Variants in PIK3C2B observed in about 807,000 individuals in gnomAD.
The protein encoded by PIK3C2B is phosphatidylinositol 4-phosphate 3-kinase C2 domain-containing subunit beta.
In PIK3C2B, 83 loss-of-function variants were observed where a neutral mutation model predicts 184.3. That is an observed-to-expected ratio of 0.45 (90% CI 0.38 to 0.54). The LOEUF (loss-of-function observed/expected upper bound fraction) is 0.54, where lower values mean the gene tolerates loss of function less well. Among genes scored for constraint, PIK3C2B ranks in the 20% least tolerant of loss-of-function variants. PIK3C2B has a pLI of 0.00. For synonymous variants in PIK3C2B, 779 were observed against 837.6 expected (o/e 0.93, Z 1.21); for missense variants, 1,736 against 2,113.5 (o/e 0.82, Z 3.50).
chr1:204,434,020 G>A (rs1675212169), intron 24 of PIK3C2B, 71 bp from the exon 25 acceptor site: 2 of 1,302,464 alleles, frequency 1.5e-6, no homozygotes, highest in African/African-American at 2.9e-5. Context: ...GCTGCATCAG[G>A]GGTCAGTTTC....
chr1:204,453,221 CAG>C (rs951025371), intron 12 of PIK3C2B, among the ~76,000 whole-genome samples: 17 of 152,110 alleles, frequency 1.1e-4, no homozygotes, highest in East Asian at 9.6e-4. Context: ...GGGCAGCAAA[CAG>C]GGGATTTTCT....
chr1:204,462,068 C>A (rs1267432222), intron 5 of PIK3C2B, among the ~76,000 whole-genome samples: 2 of 152,066 alleles, frequency 1.3e-5, no homozygotes, highest in Non-Finnish European at 2.9e-5. Context: ...GGCTCCTAGG[C>A]CAGGAGTCAT....
rs755806961 is a variant in PIK3C2B, at chr1:204,469,415, T to C, written c.388A>G (p.Ile130Val). 1.7e-5 allele frequency: 26 copies of C among 1,551,582 alleles called. No individual in the cohort carries two copies. In the East Asian group the frequency reaches 4.7e-4, roughly 28 times the overall value. ...ACTCCCCCATCTGAACCATCAAAAA[T>C]GTAGAGATAGTCTCCAGACAGGGAG... ...KGSLSGDYLY[I>V]FDGSDGGVSS... is the part of the protein sequence containing the mutation. The change falls in exon 2 of 33, where the codon ATT (isoleucine) becomes GTT (valine). Residue 130 changes from isoleucine (I) to valine (V), a missense_variant. By Grantham distance (29) the Ile-to-Val change is conservative. Transcript: ENST00000684373.
chr1:204,443,479 G>A lies in PIK3C2B; in HGVS notation c.2986C>T (p.Leu996Phe). ...LREEFNRQCW[L>F]VNALAKLAQQ... is the part of the protein sequence containing the mutation. ...GCCAGTTTGGCCAGGGCATTGACAA[G>A]CCAGCACTGGCGGTTAAACTCTTCT... The change falls in exon 19 of 33, where the codon CTT becomes TTT. Residue 996 changes from leucine to phenylalanine, a missense_variant. Physicochemically the swap from Leu to Phe is conservative, Grantham distance 22. Coordinates refer to ENST00000684373, the MANE Select transcript of PIK3C2B (RefSeq NM_001377334.1). 1 of 1,614,256 alleles carries A rather than the reference G, an allele frequency of 6.2e-7. No homozygotes were observed. The highest frequency in any genetic ancestry group is 8.5e-7 in the Non-Finnish European group (1 of 1,180,054).
chr1:204,476,539 C>A (rs562483536), intron 1 of PIK3C2B, among the ~76,000 whole-genome samples: 1 of 152,324 alleles, frequency 6.6e-6, no homozygotes, highest in African/African-American at 2.4e-5. Flanking sequence ...GAGACCCTGT[C>A]TCAAATTAAA....
intron 1 of PIK3C2B, among the ~76,000 whole-genome samples, chr1:204,483,248 T>C (rs1464377392): frequency 6.6e-6 from 1 of 152,042 alleles, no homozygotes; most frequent in African/African-American, 2.4e-5. Context: ...ATAGACTCCA[T>C]CTTTACAAAA....
chr1:204,451,221 C>T (rs1022237012), intron 12 of PIK3C2B, among the ~76,000 whole-genome samples: 4 of 152,230 alleles, frequency 2.6e-5, no homozygotes, highest in African/African-American at 7.2e-5. Context: ...ATCCCTGGAC[C>T]GCTACAGTGG....
intron 12 of PIK3C2B, among the ~76,000 whole-genome samples, chr1:204,450,937 AGG>A (rs1258590060): frequency 6.6e-6 from 1 of 152,212 alleles, no homozygotes; most frequent in Non-Finnish European, 1.5e-5. Context: ...TCTATGCCAG[AGG>A]GCGCAGAGGC....
intron 2 of PIK3C2B, chr1:204,467,156 G>A: frequency 3.0e-6 from 1 of 332,258 alleles, no homozygotes; most frequent in Non-Finnish European, 6.0e-6. Context: ...GGGTGAGGGA[G>A]TAGGGGAGGC....
rs1378308932 is a variant in PIK3C2B at position 204,449,897 on chromosome 1, C to T, written c.2187G>A (p.Val729=). 3 of 1,612,274 alleles carry T rather than the reference C, an allele frequency of 1.9e-6. No homozygotes were observed. Among genetic ancestry groups the T allele is most frequent in the Non-Finnish European group, 1.7e-6 (2 of 1,179,066 alleles). ...TAGTGACCCAGCCCAGGGCTTCAGG[C>T]ACCCGCCGCTGCTTATTGGCCTCTG... is the stretch of plus-strand genomic sequence containing the variant. The part of the protein sequence containing the change: ...SSSEANKQRR[V]PEALGWVTTP... The change falls in exon 13 of 33, where the codon GTG becomes GTA. Residue 729 remains valine (V), a synonymous_variant. Coordinates refer to ENST00000684373, the MANE Select transcript of PIK3C2B (RefSeq NM_001377334.1).
chr1:204,429,996 C>G lies in PIK3C2B; in HGVS notation c.4323G>C (p.Ala1441=). ...RFVIGRSRGE[A]VAERRREELN... Reference sequence around the variant, plus strand: ...GCTCCTCCCTCCGCCGCTCGGCCACCGCCTCTCCCCGGGAGCGGCCGATCA... The same window carrying G: ...GCTCCTCCCTCCGCCGCTCGGCCACGGCCTCTCCCCGGGAGCGGCCGATCA... Residue 1441 remains alanine (A), a synonymous_variant, in exon 29 of 33, where the codon GCG becomes GCC. Coordinates refer to ENST00000684373, the MANE Select transcript of PIK3C2B (RefSeq NM_001377334.1). 1.9e-6 allele frequency: 3 copies of G among 1,611,620 alleles called. No individual in the cohort carries two copies. Among genetic ancestry groups the G allele is most frequent in the East Asian group, 4.5e-5 (2 of 44,878 alleles).
In PIK3C2B at chr1:204,464,546, C is replaced by G. The variant is rs750781430; in HGVS notation, c.1093G>C (p.Val365Leu). ...CCGAGGTGCTCTGGGCTAGGGGTGA[C>G]AGCACTCCAGACATAGCCAGTGAGG... ...YFLTGYVWSA[V>L]TPSPEHLGDE... The change falls in exon 4 of 33, where the codon GTC becomes CTC. Residue 365 changes from valine to leucine, a missense_variant. Transcript: ENST00000684373. The G allele has an allele frequency of 2.6e-5, 42 of 1,613,756 alleles. No homozygotes were observed. The highest frequency in any genetic ancestry group is 3.6e-5 in the Non-Finnish European group (42 of 1,179,782).
chr1:204,470,079 C>G (rs943919662), intron 1 of PIK3C2B, among the ~76,000 whole-genome samples, 193 bp from the exon 2 acceptor site: 1 of 152,050 alleles, frequency 6.6e-6, no homozygotes, highest in Admixed American at 6.6e-5. Context: ...ATCCAACTAT[C>G]CATCCATTCA....
Position 204,444,315 on chromosome 1 carries a change from G to A in PIK3C2B, c.2772+16C>T. 1 of 1,604,780 alleles carries A rather than the reference G, an allele frequency of 6.2e-7. No individual in the cohort carries two copies. Among genetic ancestry groups the A allele is most frequent in the Non-Finnish European group, 8.5e-7 (1 of 1,171,470 alleles). On this transcript the variant is annotated intron_variant, in intron 17 of 32. Coordinates refer to ENST00000684373, the MANE Select transcript of PIK3C2B (RefSeq NM_001377334.1). ...GATGGGACCAGCAAAACTGGAGGGAGGACCAATCCACCCACCTGTACCAGC... is the reference window on the plus strand; with the variant it reads ...GATGGGACCAGCAAAACTGGAGGGAAGACCAATCCACCCACCTGTACCAGC...
chr1:204,452,288 C>CCTT (rs1654432702), intron 12 of PIK3C2B, among the ~76,000 whole-genome samples: 2 of 71,050 alleles, frequency 2.8e-5, no homozygotes, highest in Admixed American at 2.3e-4. Context: ...GTGCAGCACC[C>CCTT]TTTTTTTTTT....
At chr1:204,457,650 A>G (rs1171472399) in intron 9 of PIK3C2B, 78 bp downstream of exon 9, 24 of 1,408,750 alleles carry the variant, frequency 1.7e-5, no homozygotes, top group Non-Finnish European at 2.0e-5. Flanking sequence ...ACACCTACAC[A>G]CTCTAGCAAC....
chr1:204,454,050 C>G (rs966891232), intron 12 of PIK3C2B, among the ~76,000 whole-genome samples: 3 of 151,672 alleles, frequency 2.0e-5, no homozygotes, highest in African/African-American at 7.3e-5. Context: ...GCTGGGATTA[C>G]AAGCGTAAGC....
chr1:204,443,180 G>C (rs1441836928), intron 19 of PIK3C2B, among the ~76,000 whole-genome samples: 2 of 152,222 alleles, frequency 1.3e-5, no homozygotes, highest in Non-Finnish European at 2.9e-5. Flanking sequence ...ACTGTGCTTA[G>C]CCTTTAAAAC....
intron 1 of PIK3C2B, among the ~76,000 whole-genome samples, chr1:204,480,239 C>T (rs1387654270): frequency 1.3e-5 from 2 of 152,184 alleles, no homozygotes; most frequent in African/African-American, 2.4e-5. Context: ...TTTGAGCAAG[C>T]GTCTCCAATT....
Sources: allele counts gnomAD v4.1 joint callset (sites outside exome capture counted in the v4.1 genomes callset), GRCh38; gene constraint gnomAD v4.1.1; transcripts MANE v1.5; gene names NCBI Gene and HGNC (gene_info 2026-07-23, HGNC 2026-07-21).